Variants in LTF observed in about 807,000 individuals in gnomAD.
The protein encoded by LTF is lactotransferrin.
In LTF, 91 loss-of-function variants were observed where a neutral mutation model predicts 87.2. That is an observed-to-expected ratio of 1.04 (90% CI 0.88 to 1.24). The LOEUF is 1.24. LTF is among the 50% of genes most tolerant of loss of function. The pLI is 0.00. For missense variants in LTF, 901 were observed against 904.3 expected, an observed-to-expected ratio of 1.00 and a Z score of 0.05; for synonymous variants, 378 against 356.1, an observed-to-expected ratio of 1.06 and a Z score of -0.69.
upstream of LTF, chr3:46,465,187 G>T (rs925339334): frequency 6.9e-6 from 3 of 434,350 alleles, no homozygotes; most frequent in Non-Finnish European, 1.2e-5. Context: ...CCCTGTCCCA[G>T]CTCTGGTCTC....
chr3:46,473,861 A>G (rs972061034), intron 1 of LTF, among the ~76,000 whole-genome samples: 1 of 152,226 alleles, frequency 6.6e-6, no homozygotes, highest in Admixed American at 6.5e-5. Context: ...GGACATGGAC[A>G]TCTTTGGGGT....
chr3:46,438,585 A>T (rs769917838), intron 15 of LTF, among the ~76,000 whole-genome samples: 15 of 152,100 alleles, frequency 9.9e-5, no homozygotes, highest in Non-Finnish European at 2.1e-4. Flanking sequence ...CCTCCCTCAC[A>T]CAGTTCCTGC....
chr3:46,444,215 T>C (rs569132945), intron 12 of LTF, among the ~76,000 whole-genome samples: 1 of 152,290 alleles, frequency 6.6e-6, no homozygotes, highest in South Asian at 2.1e-4. Context: ...GAGGTGACCT[T>C]GAGCATGAAA....
chr3:46,473,389 C>T (rs112691177), intron 1 of LTF, among the ~76,000 whole-genome samples: 2 of 152,362 alleles, frequency 1.3e-5, no homozygotes, highest in African/African-American at 2.4e-5. Context: ...CTCAAAACAG[C>T]ATGTCCAACT....
intron 1 of LTF, among the ~76,000 whole-genome samples, chr3:46,483,219 GTTA>G (rs1559615242): frequency 6.6e-6 from 1 of 152,210 alleles, no homozygotes; most frequent in African/African-American, 2.4e-5. Context: ...CCCTGACAAT[GTTA>G]ACAGCCAGCT....
At position 46,450,544 on chromosome 3, in the gene LTF, C is replaced by A; in HGVS notation, c.833G>T (p.Ser278Ile). 1 of 1,614,114 alleles carries A rather than the reference C, an allele frequency of 6.2e-7. No homozygotes were observed. The highest frequency in any genetic ancestry group is 8.5e-7 in the Non-Finnish European group (1 of 1,180,044). Reference sequence around the variant, plus strand: ...GATGGCATCCTCCTTGCCATTCACACTTCGTGCCACAACGGCATGAGAAGG... The same window carrying A: ...GATGGCATCCTCCTTGCCATTCACAATTCGTGCCACAACGGCATGAGAAGG... ...RVPSHAVVAR[S>I]VNGKEDAIWN... The change falls in exon 7 of 17, where the codon AGT becomes ATT. Residue 278 changes from serine (S) to isoleucine (I), a missense_variant. Physicochemically the swap from Ser to Ile is moderately radical, Grantham distance 142 (BLOSUM62 -2). Transcript: ENST00000231751.
chr3:46,451,028 G>T (rs1300567195), intron 6 of LTF, among the ~76,000 whole-genome samples: 1 of 152,162 alleles, frequency 6.6e-6, no homozygotes. Flanking sequence ...GCCACCAAGG[G>T]TTGCTCCCTT....
At chr3:46,457,797 T>C (rs776311647) in intron 2 of LTF, among the ~76,000 whole-genome samples, 8 of 152,190 alleles carry the variant, frequency 5.3e-5, no homozygotes, top group Non-Finnish European at 1.2e-4. Context: ...TTTTATTTAT[T>C]TATTTTTTCG....
chr3:46,479,943 G>A (rs540120110), intron 1 of LTF, among the ~76,000 whole-genome samples: 2 of 152,342 alleles, frequency 1.3e-5, no homozygotes, highest in South Asian at 4.1e-4. Flanking sequence ...GATGTGGGGT[G>A]TGAAGGAGAG....
intron 14 of LTF, among the ~76,000 whole-genome samples, chr3:46,439,806 GTGGC>G (rs879326502): frequency 0.017 from 2,562 of 152,288 alleles, 127 homozygotes; most frequent in Admixed American, 0.12. Flanking sequence ...GCTGGGCACG[GTGGC>G]TCATGCCTGT....
In LTF at chr3:46,449,848, A is replaced by T. The variant is rs1387395622; in HGVS notation, c.1057+6T>A. On this transcript the variant is annotated splice_donor_region_variant and intron_variant, in intron 8 of 16. Coordinates refer to ENST00000231751, the MANE Select transcript of LTF (RefSeq NM_002343.6). ...CGGACCTCAGGACCCTCCTGGGCTC[A>T]CTCACTTTTCCTCAAGTTCTGGATG... 1.2e-6 allele frequency: 2 copies of T among 1,613,858 alleles called. No homozygotes were observed. The highest frequency in any genetic ancestry group is 3.3e-5 in the Admixed American group (2 of 60,004).
Position 46,464,808 on chromosome 3 carries a change from C to T in LTF, c.43+17G>A. ...ACGCCCATCAGGCGGCTCGCGCCCCCAGGCACCTGCACTCACCGAGGGCCC... is the reference window on the plus strand; with the variant it reads ...ACGCCCATCAGGCGGCTCGCGCCCCTAGGCACCTGCACTCACCGAGGGCCC... On this transcript the variant is annotated intron_variant, in intron 1 of 16. Coordinates refer to ENST00000231751, the MANE Select transcript of LTF (RefSeq NM_002343.6). 1 of 1,613,956 alleles carries T rather than the reference C, an allele frequency of 6.2e-7. No homozygotes were observed. The highest frequency in any genetic ancestry group is 8.5e-7 in the Non-Finnish European group (1 of 1,179,936).
intron 2 of LTF, among the ~76,000 whole-genome samples, 187 bp downstream of exon 2, chr3:46,459,469 C>G (rs749437956): frequency 2.0e-5 from 3 of 152,240 alleles, no homozygotes; most frequent in Non-Finnish European, 4.4e-5. Context: ...CACACATGGT[C>G]TCTTGACTTA....
intron 13 of LTF, among the ~76,000 whole-genome samples, chr3:46,442,997 C>T (rs1702560197): frequency 6.6e-6 from 1 of 152,172 alleles, no homozygotes; most frequent in South Asian, 2.1e-4. Context: ...GCAATTCTGC[C>T]ATCTCTTTGC....
intron 1 of LTF, among the ~76,000 whole-genome samples, chr3:46,482,691 G>T (rs1276766663): frequency 8.8e-6 from 1 of 113,690 alleles, no homozygotes; most frequent in Non-Finnish European, 1.8e-5. Context: ...AAGGAAGGAA[G>T]GAAGGAAGGA....
At chr3:46,477,816 G>T (rs921462215) in intron 1 of LTF, among the ~76,000 whole-genome samples, 1 of 152,264 alleles carries the variant, frequency 6.6e-6, no homozygotes, top group African/African-American at 2.4e-5. Flanking sequence ...ATGCATTTCT[G>T]GTCCCCGTTG....
intron 1 of LTF, among the ~76,000 whole-genome samples, chr3:46,476,875 C>G (rs1388441956): frequency 6.6e-6 from 1 of 152,212 alleles, no homozygotes; most frequent in Non-Finnish European, 1.5e-5. Flanking sequence ...ATAGCTCTTA[C>G]ATGCTCACTT....
chr3:46,446,192 C>T (rs967546220), intron 11 of LTF, among the ~76,000 whole-genome samples: 3 of 152,130 alleles, frequency 2.0e-5, no homozygotes, highest in African/African-American at 7.2e-5. Flanking sequence ...GGAAGTAGCA[C>T]CCCCCATTCC....
upstream of LTF, chr3:46,468,332 A>C: frequency 2.2e-6 from 1 of 456,742 alleles, no homozygotes. Context: ...GCAGGGAAGC[A>C]GAATGCAGGT....
Sources: allele counts gnomAD v4.1 joint callset (sites outside exome capture counted in the v4.1 genomes callset), GRCh38; gene constraint gnomAD v4.1.1; transcripts MANE v1.5; gene names NCBI Gene and HGNC (gene_info 2026-07-23, HGNC 2026-07-21).